DPP10: variants seen among roughly 807,000 people sequenced by gnomAD.
DPP10 encodes dipeptidyl peptidase like 10, also known as inactive dipeptidyl peptidase 10.
A neutral mutation model predicts 120.9 loss-of-function variants in DPP10; 33 were observed. The observed-to-expected ratio is 0.27, with a 90% CI of 0.21 to 0.37. DPP10 has a LOEUF of 0.37. DPP10 is among the 10% of genes least tolerant of loss of function. The pLI is 1.00. For synonymous variants in DPP10, 337 were observed against 326.1 expected, an observed-to-expected ratio of 1.03 and a Z score of -0.36; for missense variants, 816 against 942.8, an observed-to-expected ratio of 0.87 and a Z score of 1.76.
At chr2:115,808,351 A>G (rs937214900) in intron 19 of DPP10, among the ~76,000 whole-genome samples, 1 of 152,212 alleles carries the variant, frequency 6.6e-6, no homozygotes, top group Non-Finnish European at 1.5e-5. Flanking sequence ...ATGTTCTTGA[A>G]TGAGAGTGCA....
intron 3 of DPP10, among the ~76,000 whole-genome samples, chr2:115,418,520 T>C (rs1441096023): frequency 6.6e-6 from 1 of 152,134 alleles, no homozygotes; most frequent in Non-Finnish European, 1.5e-5. Flanking sequence ...TCTGTAATTC[T>C]AGCACTTTGG....
At chr2:115,455,248 A>G (rs1226956280) in intron 3 of DPP10, among the ~76,000 whole-genome samples, 1 of 151,914 alleles carries the variant, frequency 6.6e-6, no homozygotes, top group Non-Finnish European at 1.5e-5. Context: ...TGATCTATAC[A>G]TTGAATGCAA....
intron 1 of DPP10, among the ~76,000 whole-genome samples, chr2:114,503,215 A>T (rs1430120186): frequency 1.3e-5 from 2 of 152,176 alleles, no homozygotes; most frequent in Admixed American, 6.5e-5. Flanking sequence ...AAAAGGAGGG[A>T]TGTGCACAGC....
At chr2:115,444,578 T>C (rs1352220208) in intron 3 of DPP10, among the ~76,000 whole-genome samples, 1 of 152,198 alleles carries the variant, frequency 6.6e-6, no homozygotes, top group African/African-American at 2.4e-5. Flanking sequence ...GAATCCATGG[T>C]TATGAAGTAG....
intron 1 of DPP10, among the ~76,000 whole-genome samples, chr2:115,154,833 C>T (rs1485274681): frequency 2.7e-5 from 4 of 150,258 alleles, no homozygotes; most frequent in Non-Finnish European, 4.4e-5. Flanking sequence ...CCCCATATGA[C>T]AATTAGGATG....
chr2:114,505,651 G>A (rs914724077), intron 1 of DPP10, among the ~76,000 whole-genome samples: 2 of 151,962 alleles, frequency 1.3e-5, no homozygotes, highest in Non-Finnish European at 1.5e-5. Flanking sequence ...ACAAATAATG[G>A]CATCAAGGCA....
At chr2:115,004,422 A>G (rs1701663005) in intron 1 of DPP10, among the ~76,000 whole-genome samples, 1 of 152,340 alleles carries the variant, frequency 6.6e-6, no homozygotes, top group East Asian at 1.9e-4. Flanking sequence ...AGCGACGCAG[A>G]AGACAGGTGA....
In DPP10 at chr2:114,457,179, T is replaced by C. The variant is rs538544215; in HGVS notation, c.60+14341T>C. On this transcript the variant is annotated intron_variant, in intron 1 of 25. Coordinates refer to ENST00000410059, the MANE Select transcript of DPP10 (RefSeq NM_020868.6). ...CTGTTGTATCTTACGCAGACTCTGT[T>C]GGTCAATACAAATAAACTATATCCA... is the stretch of plus-strand genomic sequence containing the variant. Among the ~76,000 whole-genome samples the C allele has an allele frequency of 2.6e-5, 4 of 152,312 alleles. No homozygotes were observed. The South Asian group carries it at 8.3e-4, about 32-fold the overall frequency.
chr2:115,797,131 A>G (rs1331691022), intron 19 of DPP10, among the ~76,000 whole-genome samples: 1 of 152,080 alleles, frequency 6.6e-6, no homozygotes, highest in Non-Finnish European at 1.5e-5. Flanking sequence ...CACATGTACT[A>G]TGTTAATGCT....
intron 1 of DPP10, among the ~76,000 whole-genome samples, chr2:114,855,256 C>T (rs1689282316): frequency 6.6e-6 from 1 of 152,152 alleles, no homozygotes. Context: ...TGACATAAGG[C>T]AGGCATACAT....
At chr2:114,711,635 A>G (rs957742403) in intron 1 of DPP10, among the ~76,000 whole-genome samples, 2 of 152,218 alleles carry the variant, frequency 1.3e-5, no homozygotes, top group East Asian at 3.8e-4. Flanking sequence ...ATGTTTACTA[A>G]TAGAAGAACC....
intron 1 of DPP10, among the ~76,000 whole-genome samples, chr2:115,143,863 C>T (rs2051064913): frequency 6.6e-6 from 1 of 152,204 alleles, no homozygotes; most frequent in Non-Finnish European, 1.5e-5. Context: ...CAGATGCAGC[C>T]TCTGCCAATC....
intron 1 of DPP10, among the ~76,000 whole-genome samples, chr2:114,681,369 C>T (rs776013640): frequency 3.3e-5 from 5 of 151,934 alleles, no homozygotes; most frequent in Admixed American, 6.6e-5. Context: ...ATTCCCTTTG[C>T]TTTATCTTGT....
At chr2:115,417,940 G>A (rs1162595231) in intron 3 of DPP10, among the ~76,000 whole-genome samples, 2 of 152,044 alleles carry the variant, frequency 1.3e-5, no homozygotes, top group Admixed American at 6.6e-5. Context: ...TGTAGCAATG[G>A]GCATTGTTGC....
intron 1 of DPP10, among the ~76,000 whole-genome samples, chr2:114,949,681 T>G (rs1478515500): frequency 6.6e-6 from 1 of 152,154 alleles, no homozygotes; most frequent in East Asian, 1.9e-4. Context: ...AAATTCTCTG[T>G]CTTGGGTTGG....
At chr2:115,188,779 C>T (rs927361280) in intron 1 of DPP10, among the ~76,000 whole-genome samples, 1 of 151,690 alleles carries the variant, frequency 6.6e-6, no homozygotes, top group Non-Finnish European at 1.5e-5. Context: ...ATACTTTTAC[C>T]CCTTGACCCA....
intron 1 of DPP10, among the ~76,000 whole-genome samples, chr2:115,190,817 T>C (rs1331464842): frequency 6.6e-6 from 1 of 152,238 alleles, no homozygotes; most frequent in Non-Finnish European, 1.5e-5. Context: ...ACAGTCGCTT[T>C]TGTTTAGCGT....
At chr2:115,169,212 G>A (rs1348997462) in intron 1 of DPP10, among the ~76,000 whole-genome samples, 3 of 152,160 alleles carry the variant, frequency 2.0e-5, no homozygotes, top group African/African-American at 7.2e-5. Flanking sequence ...CTTGAAAAGG[G>A]AGAGGATGAT....
At chr2:115,144,260 C>T (rs1029871214) in intron 1 of DPP10, 3 of 152,112 alleles carry the variant, frequency 2.0e-5, no homozygotes, top group Admixed American at 6.6e-5. Context: ...GGGGCCAGTA[C>T]ACCTTATTCT....
Sources: allele counts gnomAD v4.1 joint callset (sites outside exome capture counted in the v4.1 genomes callset), GRCh38; gene constraint gnomAD v4.1.1; transcripts MANE v1.5; gene names NCBI Gene and HGNC (gene_info 2026-07-23, HGNC 2026-07-21).